BANK1: variants seen among roughly 807,000 people sequenced by gnomAD.
BANK1 encodes B-cell scaffold protein with ankyrin repeats.
A neutral mutation model predicts 94.5 loss-of-function variants in BANK1; 95 were observed. The observed-to-expected ratio is 1.00, with a 90% CI of 0.85 to 1.19. BANK1 has a LOEUF of 1.19. BANK1 is among the 50% of genes most tolerant of loss of function. The pLI is 0.00. For missense variants in BANK1, 987 were observed against 932.2 expected, an observed-to-expected ratio of 1.06 and a Z score of -0.77; for synonymous variants, 334 against 308.4, an observed-to-expected ratio of 1.08 and a Z score of -0.87.
chr4:101,928,197 T>G (rs1723227301), intron 7 of BANK1, among the ~76,000 whole-genome samples: 1 of 151,650 alleles, frequency 6.6e-6, no homozygotes, highest in African/African-American at 2.4e-5. Flanking sequence ...TCTATGATAC[T>G]TTGGGGACAA....
rs531847818 is a variant in BANK1, at chr4:101,821,531, A to C, written c.71-8277A>C. Among the ~76,000 whole-genome samples the C allele has an allele frequency of 4.6e-5, 7 of 152,136 alleles. No homozygotes were observed. The South Asian group carries it at 1.0e-3, about 23-fold the overall frequency. ...TGTCATGAAGTCTTTGCCCATTTCT[A>C]TGTCTAGGATGGTATTGCCTAGGTT... On this transcript the variant is annotated intron_variant, in intron 1 of 16. Transcript: ENST00000322953.
At chr4:101,982,645 C>A (rs1214079853) in intron 7 of BANK1, among the ~76,000 whole-genome samples, 1 of 151,890 alleles carries the variant, frequency 6.6e-6, no homozygotes, top group Non-Finnish European at 1.5e-5. Context: ...ACATATACAG[C>A]TCCTATCACA....
chr4:102,010,290 G>C (rs367888796), intron 7 of BANK1, among the ~76,000 whole-genome samples: 3 of 150,398 alleles, frequency 2.0e-5, no homozygotes, highest in Non-Finnish European at 4.4e-5. Flanking sequence ...AGCAAACAAA[G>C]AAACAAACAA....
chr4:101,926,891 A>G (rs1441575714), intron 7 of BANK1, among the ~76,000 whole-genome samples: 1 of 151,818 alleles, frequency 6.6e-6, no homozygotes, highest in Admixed American at 6.6e-5. Flanking sequence ...CAAAAGAGCC[A>G]GTTGGTCAAT....
chr4:101,839,604 C>T (rs1726955124), intron 2 of BANK1, among the ~76,000 whole-genome samples: 1 of 152,202 alleles, frequency 6.6e-6, no homozygotes, highest in Admixed American at 6.5e-5. Flanking sequence ...AAATTGAGAA[C>T]CTATATTTTT....
chr4:102,045,604 C>T (rs1463662897), intron 11 of BANK1, among the ~76,000 whole-genome samples: 1 of 152,086 alleles, frequency 6.6e-6, no homozygotes, highest in Non-Finnish European at 1.5e-5. Flanking sequence ...TCTCAGGATA[C>T]AAAATCAATG....
rs1239999490 is a variant in BANK1, at chr4:101,870,703, A to G, written c.903+59A>G. On this transcript the variant is annotated intron_variant, in intron 5 of 16. Coordinates refer to ENST00000322953, the MANE Select transcript of BANK1 (RefSeq NM_017935.5). Reference sequence around the variant, plus strand: ...GTAAGCTGAAGAGCTAATGAAGGATAAGAGGATTCATGCTTTGGTATAAGT... The same window carrying G: ...GTAAGCTGAAGAGCTAATGAAGGATGAGAGGATTCATGCTTTGGTATAAGT... The G allele has an allele frequency of 2.0e-6, 3 of 1,528,882 alleles. No individual in the cohort carries two copies. The African/African-American group carries it at 4.2e-5, about 21-fold the overall frequency. 94.7% of individuals were successfully genotyped at this position (1,528,882 alleles called of 1,614,324 possible). A position where few individuals can be genotyped will look rare whatever the true frequency, so the allele number is the denominator to read the frequency against.
intron 1 of BANK1, chr4:101,813,712 A>G (rs1725799011): frequency 1.1e-5 from 2 of 183,214 alleles, no homozygotes; most frequent in South Asian, 3.7e-4. Context: ...AGCCCTTGCT[A>G]TCTTGTAAAC....
chr4:102,026,527 G>T (rs768126456), intron 9 of BANK1, among the ~76,000 whole-genome samples: 2 of 152,042 alleles, frequency 1.3e-5, no homozygotes, highest in Admixed American at 6.5e-5. Flanking sequence ...AAATTTTTAC[G>T]CAATGAAATT....
chr4:102,056,028 AC>A lies in BANK1; in HGVS notation c.1970-4182del, dbSNP rs201285836. ...CTTACTCAATGCTCTAAGCTACAGG[AC>A]TCAGTGTTATAATGACACAAGAATC... On this transcript the variant is annotated intron_variant, in intron 11 of 16. Coordinates refer to ENST00000322953, the MANE Select transcript of BANK1 (RefSeq NM_017935.5). 4.3e-3 allele frequency among the ~76,000 whole-genome samples: 648 copies of A among 152,222 alleles called. 5 individuals are homozygous for A. Among genetic ancestry groups the A allele is most frequent in the Non-Finnish European group, 6.4e-3 (434 of 67,976 alleles).
chr4:102,064,446 A>G (rs1728522843), intron 13 of BANK1, among the ~76,000 whole-genome samples: 1 of 152,308 alleles, frequency 6.6e-6, no homozygotes, highest in Non-Finnish European at 1.5e-5. Context: ...ATTATCACCT[A>G]TACATTATTG....
chr4:101,829,683 A>G, intron 1 of BANK1, 125 bp from the exon 2 acceptor site: 2 of 493,950 alleles, frequency 4.0e-6, no homozygotes, highest in Non-Finnish European at 6.8e-6. Flanking sequence ...GGACTTTCAT[A>G]GAGTTTTTCT....
chr4:102,003,814 CAT>C (rs1334049055), intron 7 of BANK1, among the ~76,000 whole-genome samples: 1 of 151,062 alleles, frequency 6.6e-6, no homozygotes, highest in Non-Finnish European at 1.5e-5. Flanking sequence ...ATTTCACATG[CAT>C]ATATATATTT....
At chr4:101,980,714 A>G (rs1265414673) in intron 7 of BANK1, among the ~76,000 whole-genome samples, 2 of 152,066 alleles carry the variant, frequency 1.3e-5, no homozygotes, top group Non-Finnish European at 2.9e-5. Context: ...CTCCAAAGAA[A>G]CAGTATGTCA....
intron 8 of BANK1, among the ~76,000 whole-genome samples, chr4:102,021,843 C>T (rs765968324): frequency 6.6e-6 from 1 of 151,968 alleles, no homozygotes; most frequent in Non-Finnish European, 1.5e-5. Context: ...ACACAAATAA[C>T]TCTGTTATGA....
intron 4 of BANK1, among the ~76,000 whole-genome samples, chr4:101,863,512 C>T (rs543074542): frequency 6.6e-6 from 1 of 151,994 alleles, no homozygotes; most frequent in Non-Finnish European, 1.5e-5. Flanking sequence ...ACATTTTGAA[C>T]ATTTTTTCCT....
chr4:102,008,156 C>G (rs1015756290), intron 7 of BANK1, among the ~76,000 whole-genome samples: 4 of 152,120 alleles, frequency 2.6e-5, no homozygotes, highest in Non-Finnish European at 5.9e-5. Context: ...GAGATGTGGA[C>G]TTAGATTAGA....
intron 13 of BANK1, among the ~76,000 whole-genome samples, chr4:102,069,040 A>T (rs1728677709): frequency 6.6e-6 from 1 of 152,216 alleles, no homozygotes; most frequent in African/African-American, 2.4e-5. Context: ...AATGAGGACA[A>T]GGCAGATACA....
chr4:101,982,552 A>T (rs1725355543), intron 7 of BANK1, among the ~76,000 whole-genome samples: 1 of 152,068 alleles, frequency 6.6e-6, no homozygotes, highest in South Asian at 2.1e-4. Flanking sequence ...TCTTTAACAC[A>T]TATTGTAGGC....
Sources: gnomAD v4.1 joint callset for allele counts (sites outside exome capture counted in the v4.1 genomes callset) on GRCh38, gnomAD v4.1.1 for gene constraint, MANE v1.5 for transcripts, NCBI Gene and HGNC (gene_info 2026-07-23, HGNC 2026-07-21) for gene names.